Variants in ELAC1 observed in about 807,000 individuals in gnomAD.
ELAC1 encodes the protein zinc phosphodiesterase ELAC protein 1.
A neutral mutation model predicts 25.8 loss-of-function variants in ELAC1; 19 were observed. The observed-to-expected ratio is 0.74, with a 90% CI of 0.51 to 1.08. The LOEUF is 1.08. Among genes scored for constraint, ELAC1 ranks in the 50% least tolerant of loss-of-function variants. The pLI, the probability that ELAC1 is intolerant of heterozygous loss-of-function variation, is 0.00. For missense variants in ELAC1, 403 were observed against 434.6 expected, an observed-to-expected ratio of 0.93 and a Z score of 0.65; for synonymous variants, 148 against 160.9, an observed-to-expected ratio of 0.92 and a Z score of 0.61.
intron 3 of ELAC1, among the ~76,000 whole-genome samples, chr18:50,986,158 T>C (rs1010191157): frequency 2.6e-5 from 4 of 151,978 alleles, no homozygotes; most frequent in African/African-American, 9.7e-5. Context: ...TAGCTGGGAC[T>C]ACAGGTGTGC....
intron 2 of ELAC1, among the ~76,000 whole-genome samples, chr18:50,983,568 A>G (rs1568188325): frequency 6.6e-6 from 1 of 151,678 alleles, no homozygotes; most frequent in Non-Finnish European, 1.5e-5. Flanking sequence ...TCTTATTGAA[A>G]CCATCTAGTG....
rs981873671 is a variant in ELAC1, at chr18:50,987,108, C to T, written c.*23C>T. ...TGAAACCAGTGTTCCTGAGTGCACA[C>T]TGACATGTCTGTGAATATGTTACTG... On this transcript the variant is annotated 3_prime_UTR_variant, in exon 4 of 4. Coordinates refer to ENST00000269466, the MANE Select transcript of ELAC1 (RefSeq NM_018696.3). 3 of 1,458,186 alleles carry T rather than the reference C, an allele frequency of 2.1e-6. No individual in the cohort carries two copies. The highest frequency in any genetic ancestry group is 1.4e-5 in the South Asian group (1 of 70,090). The allele number at this position is 1,458,186 out of a possible 1,614,324, so 90.3% of individuals were successfully genotyped here. A position where few individuals can be genotyped will look rare whatever the true frequency, so the allele number is the denominator to read the frequency against.
At chr18:50,969,874 G>C (rs1907606056) in intron 1 of ELAC1, 2 of 152,234 alleles carry the variant, frequency 1.3e-5, no homozygotes, top group Admixed American at 6.5e-5. Flanking sequence ...AGATTGATTA[G>C]TTGAGTAGTG....
chr18:50,969,169 CA>C (rs1358200842), intron 1 of ELAC1: 1 of 151,066 alleles, frequency 6.6e-6, no homozygotes, highest in Non-Finnish European at 1.5e-5. Flanking sequence ...CCAGTTTGTC[CA>C]AATCAGTATC....
chr18:50,983,970 TAAGTAGAA>T, intron 2 of ELAC1, 118 bp from the exon 3 acceptor site: 1 of 569,768 alleles, frequency 1.8e-6, no homozygotes, highest in South Asian at 3.5e-5. Flanking sequence ...TTTATGATGA[TAAGTAGAA>T]CTTTTAAATT....
At chr18:50,983,234 C>G (rs1908007635) in intron 2 of ELAC1, among the ~76,000 whole-genome samples, 1 of 136,320 alleles carries the variant, frequency 7.3e-6, no homozygotes, top group African/African-American at 2.8e-5. Flanking sequence ...ACAATCTCGA[C>G]TCACGCAACC....
At chr18:50,972,965 C>G (rs1050405960) in intron 1 of ELAC1, among the ~76,000 whole-genome samples, 3 of 152,154 alleles carry the variant, frequency 2.0e-5, no homozygotes, top group African/African-American at 7.2e-5. Context: ...GAATTTCCAC[C>G]AAATACATCT....
chr18:50,984,382 C>G lies in ELAC1; in HGVS notation c.444C>G (p.Pro148=). 1 of 1,614,130 alleles carries G rather than the reference C, an allele frequency of 6.2e-7. No homozygotes were observed. The change falls in exon 3 of 4, where the codon CCC becomes CCG. Residue 148 remains proline, a synonymous_variant. Transcript: ENST00000269466. ...FAHVNRADSP[P]KEEQGRTILL... ...ATGTGAATAGAGCAGACAGTCCTCC[C>G]AAAGAGGAACAAGGAAGAACTATCC...
chr18:50,984,179 C>A lies in ELAC1; in HGVS notation c.241C>A (p.Gln81Lys). ...LPGLLCTISLQSGSMVSKQPI... is the reference protein window; with the variant it reads ...LPGLLCTISLKSGSMVSKQPI... The stretch of plus-strand genomic sequence containing the variant: ...TGGGCTCCTCTGCACAATCAGCCTG[C>A]AGAGTGGCTCCATGGTGTCCAAACA... Residue 81 changes from glutamine (Q) to lysine (K), a missense_variant, in exon 3 of 4, where the codon CAG (glutamine) becomes AAG (lysine). Transcript: ENST00000269466. 1 of 1,614,200 alleles carries A rather than the reference C, an allele frequency of 6.2e-7. No individual in the cohort carries two copies. The highest frequency in any genetic ancestry group is 8.5e-7 in the Non-Finnish European group (1 of 1,180,016).
intron 3 of ELAC1, among the ~76,000 whole-genome samples, chr18:50,986,226 A>C (rs1034418105): frequency 1.3e-5 from 2 of 151,956 alleles, no homozygotes; most frequent in Non-Finnish European, 2.9e-5. Flanking sequence ...GAGCCAGTGC[A>C]CCCAGCCTGA....
chr18:50,977,514 C>T (rs993073571), intron 2 of ELAC1, among the ~76,000 whole-genome samples: 2 of 152,234 alleles, frequency 1.3e-5, no homozygotes, highest in Admixed American at 1.3e-4. Flanking sequence ...GCACCAAGTC[C>T]CAAGACTGCA....
chr18:50,969,222 ATC>A (rs1240274181), intron 1 of ELAC1: 35 of 152,272 alleles, frequency 2.3e-4, no homozygotes, highest in African/African-American at 7.9e-4. Context: ...TGTCTCTTAG[ATC>A]TCTCTTAATC....
rs370472349 is a variant in ELAC1, at chr18:50,974,495, G to C, written c.91G>C (p.Glu31Gln). Residue 31 changes from glutamate to glutamine, a missense_variant, in exon 2 of 4, where the codon GAG becomes CAG. Glu to Gln is a conservative substitution (Grantham distance 29). Coordinates refer to ENST00000269466, the MANE Select transcript of ELAC1 (RefSeq NM_018696.3). ...ASAVVLRCEG[E>Q]CWLFDCGEGT... ...TGCTGTGGTCCTTCGGTGTGAAGGC[G>C]AGTGCTGGCTCTTTGACTGTGGGGA... 6.2e-7 allele frequency: 1 copy of C among 1,612,280 alleles called. No homozygotes were observed. Among genetic ancestry groups the C allele is most frequent in the African/African-American group, 1.3e-5 (1 of 74,918 alleles).
chr18:50,976,229 G>A (rs534329608), intron 2 of ELAC1, among the ~76,000 whole-genome samples: 5 of 152,294 alleles, frequency 3.3e-5, no homozygotes, highest in African/African-American at 1.2e-4. Context: ...CATGTATTGG[G>A]AGAGAGAGAA....
At chr18:50,985,982 T>A (rs569986041) in intron 3 of ELAC1, among the ~76,000 whole-genome samples, 1 of 151,508 alleles carries the variant, frequency 6.6e-6, no homozygotes, top group East Asian at 1.9e-4. Flanking sequence ...ACTTTGTAGG[T>A]ACTTGTTTTG....
chr18:50,978,407 GAAGGCA>G (rs1907852726), intron 2 of ELAC1, among the ~76,000 whole-genome samples: 1 of 152,210 alleles, frequency 6.6e-6, no homozygotes, highest in Non-Finnish European at 1.5e-5. Flanking sequence ...AATCATGGTG[GAAGGCA>G]AAGGCAAAGG....
At chr18:50,976,919 A>G (rs1466694175) in intron 2 of ELAC1, among the ~76,000 whole-genome samples, 1 of 152,360 alleles carries the variant, frequency 6.6e-6, no homozygotes, top group South Asian at 2.1e-4. Flanking sequence ...CAAAGGGGCT[A>G]TAGGCCCCAC....
intron 3 of ELAC1, among the ~76,000 whole-genome samples, chr18:50,985,533 G>C (rs1440999863): frequency 3.3e-5 from 5 of 152,216 alleles, no homozygotes; most frequent in Non-Finnish European, 7.3e-5. Context: ...GTAGAGTCCA[G>C]GTACATTATA....
intron 1 of ELAC1, among the ~76,000 whole-genome samples, chr18:50,972,873 C>T (rs976325916): frequency 6.6e-6 from 1 of 152,174 alleles, no homozygotes. Flanking sequence ...ATTTTCTCAT[C>T]CCTTCTCAGA....
Sources: gnomAD v4.1 joint callset for allele counts (sites outside exome capture counted in the v4.1 genomes callset) on GRCh38, gnomAD v4.1.1 for gene constraint, MANE v1.5 for transcripts, NCBI Gene and HGNC (gene_info 2026-07-23, HGNC 2026-07-21) for gene names.